Variants in UNC13A observed in about 807,000 individuals in gnomAD.
The protein encoded by UNC13A is unc-13 homolog A, also known as protein unc-13 homolog A.
UNC13A carries 61 observed loss-of-function variants against 219.7 expected under a neutral mutation model. That is an observed-to-expected ratio of 0.28 (90% CI 0.23 to 0.34). The LOEUF (loss-of-function observed/expected upper bound fraction) is 0.34, where lower values mean the gene tolerates loss of function less well. UNC13A is among the 10% of genes least tolerant of loss of function. The pLI is 1.00. For missense variants in UNC13A, 1,476 were observed against 2,270.3 expected, an observed-to-expected ratio of 0.65 and a Z score of 7.11; for synonymous variants, 920 against 884.6, an observed-to-expected ratio of 1.04 and a Z score of -0.71.
chr19:17,632,995 G>A, intron 27 of UNC13A, 87 bp from the exon 28 acceptor site: 1 of 1,608,240 alleles, frequency 6.2e-7, no homozygotes, highest in Non-Finnish European at 8.5e-7. Flanking sequence ...GGCCATCACT[G>A]ATTTCCAACT....
intron 2 of UNC13A, among the ~76,000 whole-genome samples, chr19:17,675,397 C>T (rs555278474): frequency 3.3e-5 from 5 of 151,678 alleles, no homozygotes; most frequent in East Asian, 1.9e-4. Flanking sequence ...TTTGGGAGGC[C>T]GAGGCGGGCG....
intron 43 of UNC13A, among the ~76,000 whole-genome samples, chr19:17,607,876 C>CG (rs373951023): frequency 1.0e-5 from 1 of 96,286 alleles, no homozygotes; most frequent in African/African-American, 4.3e-5. Flanking sequence ...CGTGAACAGA[C>CG]TTTTTTTTTT....
chr19:17,628,281 T>G, intron 31 of UNC13A: 1 of 318,682 alleles, frequency 3.1e-6, no homozygotes, highest in Non-Finnish European at 6.0e-6. Context: ...AGGCTTCATT[T>G]GCAACAGCCA....
chr19:17,621,468 G>T (rs755210192), intron 37 of UNC13A, among the ~76,000 whole-genome samples: 2 of 152,120 alleles, frequency 1.3e-5, no homozygotes, highest in Non-Finnish European at 2.9e-5. Context: ...GCAACAAAAA[G>T]AAATCTACGT....
intron 43 of UNC13A, among the ~76,000 whole-genome samples, chr19:17,608,373 T>G (rs893143839): frequency 1.9e-4 from 19 of 100,534 alleles, no homozygotes; most frequent in Admixed American, 1.1e-3. Flanking sequence ...ATATATTATA[T>G]ATGTATATAA....
chr19:17,617,881 T>A (rs1485990363), intron 40 of UNC13A, 32 bp from the exon 41 acceptor site: 1 of 1,612,384 alleles, frequency 6.2e-7, no homozygotes, highest in South Asian at 1.1e-5. Context: ...GAGGTGAGGA[T>A]GGTGGGAACC....
chr19:17,628,043 G>T, intron 31 of UNC13A, 103 bp from the exon 32 acceptor site: 1 of 1,112,444 alleles, frequency 9.0e-7, no homozygotes, highest in Non-Finnish European at 1.3e-6. Context: ...GTCTGGGTCT[G>T]GAGGAAGCTG....
chr19:17,627,571 C>T lies in UNC13A; in HGVS notation c.3858G>A (p.Leu1286=). ...KELDAEASDI[L]KELQVKLNNV... ...TATTGAGTTTCACCTGAAGCTCCTTCAGGATGTCACTGGCTTCAGCATCCA... is the reference window on the plus strand; with the variant it reads ...TATTGAGTTTCACCTGAAGCTCCTTTAGGATGTCACTGGCTTCAGCATCCA... The change falls in exon 33 of 44, where the codon CTG becomes CTA. Residue 1286 remains leucine, a synonymous_variant. Transcript: ENST00000519716. This position sits in a 1 kb window ranked among gnomAD's most constrained non-coding sequence, Gnocchi z 4.7. The T allele has an allele frequency of 6.4e-7, 1 of 1,562,466 alleles. No homozygotes were observed. Among genetic ancestry groups the T allele is most frequent in the East Asian group, 2.4e-5 (1 of 41,774 alleles).
chr19:17,687,047 G>C (rs559276716), intron 1 of UNC13A, among the ~76,000 whole-genome samples: 51 of 152,320 alleles, frequency 3.3e-4, no homozygotes, highest in African/African-American at 1.2e-3. Flanking sequence ...CAGGGGTTCA[G>C]AGCTCTGTAG....
intron 4 of UNC13A, among the ~76,000 whole-genome samples, chr19:17,670,757 A>G (rs1019990995): frequency 6.6e-6 from 1 of 151,368 alleles, no homozygotes; most frequent in Non-Finnish European, 1.5e-5. Flanking sequence ...TGCAAAAATT[A>G]GTTGGGTGTG....
chr19:17,651,825 A>G (rs1272760327), intron 12 of UNC13A, among the ~76,000 whole-genome samples: 1 of 152,136 alleles, frequency 6.6e-6, no homozygotes, highest in Non-Finnish European at 1.5e-5. Context: ...CCTGTTTGCC[A>G]AGGACGTACA....
intron 1 of UNC13A, 89 bp downstream of exon 1, chr19:17,688,089 C>A: frequency 6.8e-7 from 1 of 1,467,792 alleles, no homozygotes; most frequent in Non-Finnish European, 9.1e-7. Context: ...GGGTCACCCC[C>A]CAGGAACCCC....
In UNC13A at chr19:17,640,567, T is replaced by C; in HGVS notation, c.2731A>G (p.Thr911Ala). 6.4e-7 allele frequency: 1 copy of C among 1,560,210 alleles called. No individual in the cohort carries two copies. Among genetic ancestry groups the C allele is most frequent in the Non-Finnish European group, 8.7e-7 (1 of 1,152,654 alleles). ...GCAGACACGTTGGTGGAGGCGGTGG[T>C]GTGTGCGTAGTAGGCATTGATGTTG... ...LANINAYYAH[T>A]TASTNVSASD... The change falls in exon 22 of 44, where the codon ACC (threonine) becomes GCC (alanine). Residue 911 changes from threonine (T) to alanine (A), a missense_variant. This residue lies in a region of UNC13A where 140 missense variants were observed against 270.9 expected (regional missense o/e 0.52). Transcript: ENST00000519716.
At position 17,630,743 on chromosome 19, in the gene UNC13A, C is replaced by A; in HGVS notation, c.3436G>T (p.Glu1146Ter). 1 of 1,613,706 alleles carries A rather than the reference C, an allele frequency of 6.2e-7. No homozygotes were observed. Among genetic ancestry groups the A allele is most frequent in the Non-Finnish European group, 8.5e-7 (1 of 1,179,806 alleles). ...DRVPEYPAWF[E>*]PFVIQWLDEN... ...TCCAGCCACTGGATGACGAAGGGTT[C>A]AAACCATCTGGAATGAAGAGCCGGG... Residue 1146 changes from glutamate to a stop codon, truncating the protein, a stop_gained, in exon 29 of 44, where the codon GAA (glutamate) becomes TAA (stop). Transcript: ENST00000519716. LOFTEE classifies it high-confidence loss of function.
intron 43 of UNC13A, among the ~76,000 whole-genome samples, chr19:17,607,981 G>C (rs988449799): frequency 1.3e-5 from 2 of 148,524 alleles, no homozygotes; most frequent in Non-Finnish European, 3.0e-5. Flanking sequence ...CTGGGTTCAA[G>C]CGATTCTCGT....
chr19:17,640,676 C>T lies in UNC13A; in HGVS notation c.2637-15G>A. ...AGGCAAAGTGGCTGGAGAGAGGGAG[C>T]AGGAGGCACTAGGCCAGGGGTCCAG... On this transcript the variant is annotated splice_polypyrimidine_tract_variant and intron_variant, in intron 21 of 43. Transcript: ENST00000519716. The T allele has an allele frequency of 6.4e-7, 1 of 1,566,904 alleles. No individual in the cohort carries two copies. The highest frequency in any genetic ancestry group is 8.6e-7 in the Non-Finnish European group (1 of 1,157,146).
chr19:17,643,944 C>T (rs2076996738), intron 19 of UNC13A, among the ~76,000 whole-genome samples: 1 of 152,084 alleles, frequency 6.6e-6, no homozygotes, highest in Non-Finnish European at 1.5e-5. Context: ...TGTCTCCCAC[C>T]TCCCCCATCA....
In UNC13A at chr19:17,603,834, T is replaced by TGGA. The variant is rs1430284944; in HGVS notation, c.*2217_*2219dup. 4.7e-5 allele frequency: 7 copies of TGGA among 150,470 alleles called. No individual in the cohort carries two copies. Among genetic ancestry groups the TGGA allele is most frequent in the African/African-American group, 1.7e-4 (7 of 40,730 alleles). 9.3% of individuals were successfully genotyped at this position (150,470 alleles called of 1,614,324 possible). A position where few individuals can be genotyped will look rare whatever the true frequency, so the allele number is the denominator to read the frequency against. ...TTTTGGTGGGGTAGAGGGGAGGGAA[T>TGGA]GGAGTATTGTTCTGTTGCCCAGGCT... is the stretch of plus-strand genomic sequence containing the variant. On this transcript the variant is annotated 3_prime_UTR_variant, in exon 44 of 44. Transcript: ENST00000519716.
chr19:17,667,274 G>A (rs1404302598), intron 6 of UNC13A, among the ~76,000 whole-genome samples: 1 of 148,556 alleles, frequency 6.7e-6, no homozygotes, highest in Non-Finnish European at 1.5e-5. Flanking sequence ...AAAAAAGATG[G>A]GAACAGTAGA....
Sources: gnomAD v4.1 joint callset for allele counts (sites outside exome capture counted in the v4.1 genomes callset) on GRCh38, gnomAD v4.1.1 for gene constraint, gnomAD v4.1.1 regional missense constraint, Gnocchi (gnomAD v3.1) non-coding constraint, MANE v1.5 for transcripts, NCBI Gene and HGNC (gene_info 2026-07-23, HGNC 2026-07-21) for gene names.